Variants in CTNNA2 observed in about 807,000 individuals in gnomAD.
CTNNA2 encodes the protein catenin alpha-2.
A neutral mutation model predicts 101.0 loss-of-function variants in CTNNA2; 42 were observed. That is an observed-to-expected ratio of 0.42 (90% CI 0.32 to 0.54). CTNNA2 has a LOEUF of 0.54. Ranked by LOEUF, CTNNA2 falls within the 20% of genes least tolerant of loss-of-function variation. CTNNA2 has a pLI of 0.14. For missense variants in CTNNA2, 871 were observed against 1,223.1 expected (o/e 0.71, Z 4.29); for synonymous variants, 450 against 456.4 (o/e 0.99, Z 0.18).
Position 80,202,963 on chromosome 2 carries a change from G to A in CTNNA2, c.1057-190248G>A, listed in dbSNP as rs373974103. 8.5e-5 allele frequency among the ~76,000 whole-genome samples: 13 copies of A among 152,330 alleles called. No individual in the cohort carries two copies. The East Asian group carries it at 9.7e-4, about 11-fold the overall frequency. On this transcript the variant is annotated intron_variant, in intron 7 of 18. Transcript: ENST00000402739. ...CAATCATGGCAGAAGGAAAGGAGGAGCAAGGCAGATCTTACATGGATGGCA... is the reference window on the plus strand; with the variant it reads ...CAATCATGGCAGAAGGAAAGGAGGAACAAGGCAGATCTTACATGGATGGCA...
At chr2:79,624,858 A>G (rs549892457) in intron 1 of CTNNA2, among the ~76,000 whole-genome samples, 14 of 152,108 alleles carry the variant, frequency 9.2e-5, no homozygotes, top group Middle Eastern at 6.8e-3. Flanking sequence ...AGGGGAAGGG[A>G]TTTCTGCCCC....
At chr2:79,582,904 T>C (rs542174840) in intron 1 of CTNNA2, among the ~76,000 whole-genome samples, 1 of 152,250 alleles carries the variant, frequency 6.6e-6, no homozygotes, top group East Asian at 1.9e-4. Flanking sequence ...TCACCTTAGT[T>C]TCTTGCAGCC....
chr2:80,244,021 CAA>C (rs1269787702), intron 7 of CTNNA2, among the ~76,000 whole-genome samples: 2 of 152,170 alleles, frequency 1.3e-5, no homozygotes, highest in Non-Finnish European at 2.9e-5. Context: ...GGCCACACAT[CAA>C]AGAGTCAAGG....
chr2:79,889,571 G>T (rs550761515), intron 6 of CTNNA2, among the ~76,000 whole-genome samples: 4 of 152,228 alleles, frequency 2.6e-5, no homozygotes, highest in African/African-American at 9.6e-5. Context: ...TCTTCCCTCT[G>T]TGCCTCTGTT....
At chr2:80,079,375 G>A (rs1332474716) in intron 7 of CTNNA2, among the ~76,000 whole-genome samples, 1 of 152,164 alleles carries the variant, frequency 6.6e-6, no homozygotes, top group East Asian at 1.9e-4. Context: ...TGACCACATT[G>A]GCCTGGCTGC....
At chr2:79,225,232 C>T (rs1192994960) in intron 2 of CTNNA2, among the ~76,000 whole-genome samples, 1 of 152,116 alleles carries the variant, frequency 6.6e-6, no homozygotes, top group Non-Finnish European at 1.5e-5. Flanking sequence ...ATCATTTTAA[C>T]TATTTTGCAG....
chr2:79,237,983 T>G (rs186993812), intron 2 of CTNNA2, among the ~76,000 whole-genome samples: 2 of 152,358 alleles, frequency 1.3e-5, no homozygotes, highest in East Asian at 3.9e-4. Flanking sequence ...CACATTTAAT[T>G]TCCTTTGTGA....
intron 7 of CTNNA2, among the ~76,000 whole-genome samples, chr2:80,164,942 T>TG (rs1704565866): frequency 7.3e-6 from 1 of 137,850 alleles, no homozygotes; most frequent in Non-Finnish European, 1.5e-5. Flanking sequence ...ACTTTTGGTT[T>TG]TTTTTTTTTT....
At chr2:79,400,136 A>T (rs781559993) in intron 4 of CTNNA2, among the ~76,000 whole-genome samples, 1 of 152,090 alleles carries the variant, frequency 6.6e-6, no homozygotes, top group African/African-American at 2.4e-5. Flanking sequence ...TCATAAATAG[A>T]TAAGAGACAA....
At chr2:80,378,207 A>T (rs1251605027) in intron 7 of CTNNA2, among the ~76,000 whole-genome samples, 1 of 151,840 alleles carries the variant, frequency 6.6e-6, no homozygotes, top group Non-Finnish European at 1.5e-5. Context: ...ACATGCAAAA[A>T]ATTAGCCGGG....
intron 13 of CTNNA2, among the ~76,000 whole-genome samples, chr2:80,575,677 T>G (rs530124908): frequency 6.6e-6 from 1 of 152,316 alleles, no homozygotes; most frequent in Non-Finnish European, 1.5e-5. Flanking sequence ...TTTGCCATTT[T>G]TCTGCTTTGC....
At chr2:79,585,740 G>A (rs886395043) in intron 1 of CTNNA2, among the ~76,000 whole-genome samples, 25 of 131,604 alleles carry the variant, frequency 1.9e-4, no homozygotes, top group African/African-American at 5.9e-4. Context: ...TCCCTCCCCC[G>A]GACAACATGG....
chr2:79,834,796 T>C (rs1367748570), intron 3 of CTNNA2, among the ~76,000 whole-genome samples: 1 of 152,066 alleles, frequency 6.6e-6, no homozygotes, highest in African/African-American at 2.4e-5. Context: ...ATCATAAATA[T>C]ATCTCTAAAT....
At chr2:79,204,468 C>T (rs1674076973) in intron 2 of CTNNA2, among the ~76,000 whole-genome samples, 1 of 152,082 alleles carries the variant, frequency 6.6e-6, no homozygotes, top group Admixed American at 6.6e-5. Flanking sequence ...TTTATACTAC[C>T]AGCAATTATT....
upstream of CTNNA2, among the ~76,000 whole-genome samples, chr2:79,509,269 A>G (rs746473246): frequency 1.4e-4 from 21 of 152,010 alleles, no homozygotes; most frequent in Non-Finnish European, 1.8e-4. Flanking sequence ...CATAATAAAT[A>G]TAGTGACAGG....
intron 3 of CTNNA2, among the ~76,000 whole-genome samples, chr2:79,347,488 G>T (rs570970222): frequency 6.6e-6 from 1 of 152,148 alleles, no homozygotes; most frequent in Non-Finnish European, 1.5e-5. Context: ...CATATGTGAA[G>T]CACAAAATAA....
intron 4 of CTNNA2, among the ~76,000 whole-genome samples, chr2:79,441,197 T>C (rs1020511845): frequency 6.6e-6 from 1 of 152,210 alleles, no homozygotes; most frequent in African/African-American, 2.4e-5. Flanking sequence ...ACAAGGAATG[T>C]ATGTTGCTGC....
chr2:79,465,227 T>A (rs1293552037), intron 4 of CTNNA2, among the ~76,000 whole-genome samples: 1 of 152,218 alleles, frequency 6.6e-6, no homozygotes, highest in East Asian at 1.9e-4. Flanking sequence ...CCAGTACCAT[T>A]TATTAAATAG....
intron 4 of CTNNA2, among the ~76,000 whole-genome samples, chr2:79,495,358 C>G (rs140176999): frequency 0.01 from 1,531 of 152,052 alleles, 14 homozygotes; most frequent in African/African-American, 0.035. Flanking sequence ...GGCAAATAAG[C>G]ACACATGAAA....
Sources: gnomAD v4.1 joint callset for allele counts (sites outside exome capture counted in the v4.1 genomes callset) on GRCh38, gnomAD v4.1.1 for gene constraint, MANE v1.5 for transcripts, NCBI Gene and HGNC (gene_info 2026-07-23, HGNC 2026-07-21) for gene names.